The following MBNL2 variants were observed in gnomAD, a reference collection of about 807,000 sequenced individuals.
The protein encoded by MBNL2 is muscleblind-like protein 2.
Under a neutral mutation model 41.9 loss-of-function variants are expected in MBNL2, and 17 were observed. That is an observed-to-expected ratio of 0.41 (90% confidence interval 0.28 to 0.61). MBNL2 has a LOEUF of 0.61. Among genes scored for constraint, MBNL2 ranks in the 20% least tolerant of loss-of-function variants. MBNL2 has a pLI of 0.35. For synonymous variants in MBNL2, 195 were observed against 182.9 expected, an observed-to-expected ratio of 1.07 and a Z score of -0.53; for missense variants, 336 against 505.6, an observed-to-expected ratio of 0.66 and a Z score of 3.22.
chr13:97,252,153 T>G (rs1243588507), intron 1 of MBNL2, among the ~76,000 whole-genome samples: 1 of 152,266 alleles, frequency 6.6e-6, no homozygotes, highest in East Asian at 1.9e-4. Flanking sequence ...CCCGGCCGTA[T>G]CCTCAATTCT....
chr13:97,246,643 G>A (rs2045532262), intron 1 of MBNL2, among the ~76,000 whole-genome samples: 1 of 152,106 alleles, frequency 6.6e-6, no homozygotes, highest in Admixed American at 6.6e-5. Flanking sequence ...AGGAGGCAGC[G>A]GGATTTGTGG....
chr13:97,380,609 AG>A (rs1398038212), intron 8 of MBNL2, among the ~76,000 whole-genome samples: 1 of 152,192 alleles, frequency 6.6e-6, no homozygotes, highest in Non-Finnish European at 1.5e-5. Flanking sequence ...TTACATGGTG[AG>A]GGGGACAGGC....
Position 97,356,854 on chromosome 13 carries a change from T to A in MBNL2, c.858+5T>A, listed in dbSNP as rs758880700. The A allele has an allele frequency of 7.4e-7, 1 of 1,357,188 alleles. No homozygotes were observed. Among genetic ancestry groups the A allele is most frequent in the Non-Finnish European group, 9.9e-7 (1 of 1,014,358 alleles). 84.1% of individuals were successfully genotyped at this position (1,357,188 alleles called of 1,614,324 possible). A position where few individuals can be genotyped will look rare whatever the true frequency, so the allele number is the denominator to read the frequency against. ...CTCGAAGCAACTGTAGACCTGGTACTTTGACCTTTCACCTTTCGCTTTGCA... is the reference window on the plus strand; with the variant it reads ...CTCGAAGCAACTGTAGACCTGGTACATTGACCTTTCACCTTTCGCTTTGCA... On this transcript the variant is annotated splice_donor_5th_base_variant and intron_variant, in intron 6 of 8. Coordinates refer to ENST00000679496, the MANE Select transcript of MBNL2 (RefSeq NM_001382683.1).
At chr13:97,370,664 C>T (rs983422929) in intron 8 of MBNL2, among the ~76,000 whole-genome samples, 9 of 122,700 alleles carry the variant, frequency 7.3e-5, no homozygotes, top group Non-Finnish European at 1.5e-4. Flanking sequence ...AGGGAAACTC[C>T]GTCAAAAAAA....
In MBNL2 at chr13:97,380,807, G is replaced by A. The variant is rs73559964; in HGVS notation, c.1049-10515G>A. On this transcript the variant is annotated intron_variant, in intron 8 of 8. Transcript: ENST00000679496. ...CTCCTCTAAACATTTTCCTCCTTTG[G>A]TTTCCATTTTGCCGACGATTGGCTA... 2.2e-3 allele frequency among the ~76,000 whole-genome samples: 329 copies of A among 152,196 alleles called. 2 individuals carry two copies. Among genetic ancestry groups the A allele is most frequent in the African/African-American group, 7.8e-3 (322 of 41,522 alleles).
chr13:97,328,461 G>T (rs780998622), intron 2 of MBNL2, among the ~76,000 whole-genome samples: 1 of 152,166 alleles, frequency 6.6e-6, no homozygotes, highest in Non-Finnish European at 1.5e-5. Context: ...GCCGTTCCGC[G>T]GCCTGGCCTG....
At chr13:97,311,829 G>C (rs1373851453) in intron 2 of MBNL2, among the ~76,000 whole-genome samples, 1 of 152,152 alleles carries the variant, frequency 6.6e-6, no homozygotes. Context: ...AGCCTCCTAA[G>C]CCTCCTCTTC....
intron 2 of MBNL2, among the ~76,000 whole-genome samples, chr13:97,299,026 T>G (rs1249343386): frequency 6.6e-6 from 1 of 152,110 alleles, no homozygotes; most frequent in African/African-American, 2.4e-5. Flanking sequence ...CTTGGCTGGT[T>G]TGGGAAGAAG....
intron 8 of MBNL2, among the ~76,000 whole-genome samples, chr13:97,368,114 A>T (rs1029901707): frequency 1.3e-5 from 2 of 152,150 alleles, no homozygotes; most frequent in Non-Finnish European, 2.9e-5. Flanking sequence ...TCCTTTTATA[A>T]GAAAACAAGT....
chr13:97,152,778 T>C, the MBNL2 span, among the ~76,000 whole-genome samples: 387 of 152,214 alleles, frequency 2.5e-3, 2 homozygotes, highest in Non-Finnish European at 4.3e-3. Context: ...TTCTCAGGAA[T>C]GTAATGGAGA....
At chr13:97,201,619 AT>A in the MBNL2 span, among the ~76,000 whole-genome samples, 3 of 152,134 alleles carry the variant, frequency 2.0e-5, no homozygotes, top group Non-Finnish European at 4.4e-5. Flanking sequence ...ATTCATTATA[AT>A]TTTTTGGAGC....
At chr13:97,166,830 AGAT>A in the MBNL2 span, among the ~76,000 whole-genome samples, 226 of 151,068 alleles carry the variant, frequency 1.5e-3, 1 homozygote, top group African/African-American at 4.2e-3. Context: ...ATAGATAGAT[AGAT>A]AGATAGAAAG....
intron 1 of MBNL2, among the ~76,000 whole-genome samples, chr13:97,266,632 A>G (rs1017674386): frequency 6.6e-6 from 1 of 152,252 alleles, no homozygotes; most frequent in Admixed American, 6.5e-5. Context: ...GAGAGAGCAC[A>G]TTGAGAGCTA....
chr13:97,149,707 C>T, the MBNL2 span, among the ~76,000 whole-genome samples: 2 of 152,106 alleles, frequency 1.3e-5, no homozygotes, highest in Non-Finnish European at 2.9e-5. Flanking sequence ...CTTGGTGGAG[C>T]AGAGGTTGGG....
At chr13:97,241,278 G>A (rs2044228468) in intron 1 of MBNL2, among the ~76,000 whole-genome samples, 1 of 152,056 alleles carries the variant, frequency 6.6e-6, no homozygotes, top group Non-Finnish European at 1.5e-5. Flanking sequence ...CAAGTTAGGT[G>A]TTTGCTGGAG....
At chr13:97,258,242 CT>C (rs2047938352) in intron 1 of MBNL2, among the ~76,000 whole-genome samples, 1 of 151,562 alleles carries the variant, frequency 6.6e-6, no homozygotes, top group Admixed American at 6.6e-5. Flanking sequence ...GAACTGGAGG[CT>C]TTAAACACAG....
At chr13:97,200,085 C>T in the MBNL2 span, among the ~76,000 whole-genome samples, 15 of 152,240 alleles carry the variant, frequency 9.9e-5, no homozygotes, top group Admixed American at 9.8e-4. Context: ...TCAACTGGAT[C>T]CCACAAGACA....
chr13:97,392,383 TA>T lies in MBNL2; in HGVS notation c.*937del, dbSNP rs1487348686. 1 of 152,576 alleles carries T rather than the reference TA, an allele frequency of 6.6e-6. No homozygotes were observed. Among genetic ancestry groups the T allele is most frequent in the Non-Finnish European group, 1.5e-5 (1 of 67,996 alleles). The allele number at this position is 152,576 out of a possible 1,614,324, so 9.5% of individuals were successfully genotyped here. A position where few individuals can be genotyped will look rare whatever the true frequency, so the allele number is the denominator to read the frequency against. On this transcript the variant is annotated 3_prime_UTR_variant, in exon 9 of 9. Coordinates refer to ENST00000679496, the MANE Select transcript of MBNL2 (RefSeq NM_001382683.1). ...TGTGACTTTAATCTAAATTACTATG[TA>T]AACAAAAAGTAGATAGTTTCACTTT...
At chr13:97,152,489 A>C in the MBNL2 span, among the ~76,000 whole-genome samples, 10 of 152,316 alleles carry the variant, frequency 6.6e-5, no homozygotes, top group Non-Finnish European at 1.3e-4. Flanking sequence ...CCCCAAGCAC[A>C]TCATTCTTAA....
Sources: allele counts gnomAD v4.1 joint callset (sites outside exome capture counted in the v4.1 genomes callset), GRCh38; gene constraint gnomAD v4.1.1; transcripts MANE v1.5; gene names NCBI Gene and HGNC (gene_info 2026-07-23, HGNC 2026-07-21).